TBXAS1: variants seen among roughly 807,000 people sequenced by gnomAD.
TBXAS1 encodes thromboxane-A synthase.
Under a neutral mutation model 60.7 loss-of-function variants are expected in TBXAS1, and 48 were observed. The observed-to-expected ratio is 0.79, with a 90% CI of 0.63 to 1.01. The LOEUF is 1.01. Ranked by LOEUF, TBXAS1 falls within the 50% of genes least tolerant of loss-of-function variation. TBXAS1 has a pLI of 0.00. For synonymous variants in TBXAS1, 287 were observed against 269.7 expected, an observed-to-expected ratio of 1.06 and a Z score of -0.63; for missense variants, 685 against 686.3, an observed-to-expected ratio of 1.00 and a Z score of 0.02.
At chr7:139,952,728 T>A in intron 5 of TBXAS1, 3 of 1,479,662 alleles carry the variant, frequency 2.0e-6, no homozygotes, top group Middle Eastern at 3.5e-4. Flanking sequence ...ATTTTCCTAT[T>A]AAAAAAAAGA....
chr7:139,826,043 G>T (rs903247075), upstream of TBXAS1, among the ~76,000 whole-genome samples: 2 of 152,036 alleles, frequency 1.3e-5, no homozygotes, highest in African/African-American at 4.8e-5. Context: ...TGAGCATCTT[G>T]GTTATACATA....
At chr7:139,921,398 C>T (rs552199539) in intron 4 of TBXAS1, among the ~76,000 whole-genome samples, 1 of 152,290 alleles carries the variant, frequency 6.6e-6, no homozygotes, top group African/African-American at 2.4e-5. Context: ...GTCATCCATA[C>T]CACGTATTTA....
intron 3 of TBXAS1, among the ~76,000 whole-genome samples, chr7:139,881,061 GT>G (rs1176367953): frequency 6.6e-6 from 1 of 152,158 alleles, no homozygotes; most frequent in Non-Finnish European, 1.5e-5. Flanking sequence ...CTTTTCATAT[GT>G]TTAAAATGCA....
intron 2 of TBXAS1, among the ~76,000 whole-genome samples, 188 bp downstream of exon 2, chr7:139,872,516 T>A (rs1483924122): frequency 1.3e-5 from 2 of 152,088 alleles, no homozygotes; most frequent in African/African-American, 4.8e-5. Context: ...TAGCTGGGCA[T>A]GGTGGCTCAT....
chr7:139,819,135 T>C (rs989424566), intron 4 of TBXAS1, among the ~76,000 whole-genome samples: 1 of 152,220 alleles, frequency 6.6e-6, no homozygotes, highest in Admixed American at 6.5e-5. Context: ...TTCCTTTTCC[T>C]CCTGGGCTGG....
chr7:139,950,273 T>C (rs766489440), intron 5 of TBXAS1, among the ~76,000 whole-genome samples: 6 of 151,998 alleles, frequency 3.9e-5, no homozygotes, highest in Admixed American at 2.0e-4. Flanking sequence ...TGACTTCAAG[T>C]GATCCGCCTG....
At chr7:139,937,083 G>A (rs1204490349) in intron 5 of TBXAS1, among the ~76,000 whole-genome samples, 1 of 152,172 alleles carries the variant, frequency 6.6e-6, no homozygotes. Flanking sequence ...GCTGTGTTTT[G>A]TATCTAAGCC....
At chr7:139,831,093 A>G (rs551302288) in intron 1 of TBXAS1, among the ~76,000 whole-genome samples, 97 of 152,104 alleles carry the variant, frequency 6.4e-4, no homozygotes, top group Non-Finnish European at 1.3e-3. Context: ...TGTTATTGCA[A>G]AAATATTTAT....
At position 139,909,628 on chromosome 7, in the gene TBXAS1, A is replaced by G. The variant is rs150769812; in HGVS notation, c.237-1597A>G. On this transcript the variant is annotated intron_variant, in intron 3 of 12. Coordinates refer to ENST00000448866, the MANE Select transcript of TBXAS1 (RefSeq NM_001061.7). The stretch of plus-strand genomic sequence containing the variant: ...CAAGTGCCTAATATGTGCCAGACAA[A>G]TATTTTTATTGTTTTCCATAGTTAA... 1.1e-3 allele frequency among the ~76,000 whole-genome samples: 165 copies of G among 152,338 alleles called. 1 individual carries two copies. The highest frequency in any genetic ancestry group is 3.8e-3 in the African/African-American group (156 of 41,578).
At chr7:139,905,057 T>TTCTTTCTCTCTC (rs1247644902) in intron 3 of TBXAS1, among the ~76,000 whole-genome samples, 1 of 107,494 alleles carries the variant, frequency 9.3e-6, no homozygotes, top group Non-Finnish European at 1.8e-5. Context: ...CTTTCTTTCT[T>TTCTTTCTCTCTC]TCTCTCTCTC....
intron 1 of TBXAS1, among the ~76,000 whole-genome samples, chr7:139,845,561 T>C (rs1009780597): frequency 6.6e-6 from 1 of 152,148 alleles, no homozygotes; most frequent in Non-Finnish European, 1.5e-5. Flanking sequence ...GCAGGATTGG[T>C]CCTTCCTCAT....
At chr7:139,951,915 AAGAG>A (rs1481014648) in intron 5 of TBXAS1, among the ~76,000 whole-genome samples, 10 of 12,326 alleles carry the variant, frequency 8.1e-4, no homozygotes, top group African/African-American at 2.6e-3. Context: ...AAGAGAAAGA[AAGAG>A]AGAAAGAAAG....
upstream of TBXAS1, among the ~76,000 whole-genome samples, chr7:139,827,178 T>C (rs896728414): frequency 7.2e-5 from 11 of 152,210 alleles, no homozygotes; most frequent in African/African-American, 2.7e-4. Flanking sequence ...CTCTCACTCC[T>C]TTCCAGGGAA....
chr7:139,957,480 C>A (rs566481584), intron 7 of TBXAS1, 154 bp from the exon 8 acceptor site: 4 of 911,920 alleles, frequency 4.4e-6, no homozygotes, highest in South Asian at 2.7e-5. Flanking sequence ...TGAGACATCA[C>A]CCCTGCTCTC....
intron 9 of TBXAS1, among the ~76,000 whole-genome samples, chr7:140,005,842 C>T (rs1814036361): frequency 6.6e-6 from 1 of 152,236 alleles, no homozygotes; most frequent in Admixed American, 6.5e-5. Flanking sequence ...TTCAAGACTC[C>T]ATGTGTCCTG....
chr7:139,813,457 C>T (rs957123563), intron 4 of TBXAS1, among the ~76,000 whole-genome samples: 5 of 152,152 alleles, frequency 3.3e-5, no homozygotes, highest in South Asian at 2.1e-4. Flanking sequence ...TGACTGAGGA[C>T]GACTTCCTGA....
chr7:139,821,281 T>C (rs1212505573), intron 4 of TBXAS1, among the ~76,000 whole-genome samples: 1 of 152,184 alleles, frequency 6.6e-6, no homozygotes, highest in African/African-American at 2.4e-5. Flanking sequence ...TTCGAGTCTG[T>C]AGCATCTGTA....
At chr7:139,874,032 T>G (rs576382114) in intron 2 of TBXAS1, among the ~76,000 whole-genome samples, 2 of 152,298 alleles carry the variant, frequency 1.3e-5, no homozygotes, top group Non-Finnish European at 2.9e-5. Context: ...CCTTCTCAAT[T>G]ATTTCTTTTC....
intron 3 of TBXAS1, among the ~76,000 whole-genome samples, chr7:139,899,230 A>T (rs1358110494): frequency 6.6e-6 from 1 of 152,024 alleles, no homozygotes; most frequent in Non-Finnish European, 1.5e-5. Flanking sequence ...AGCTCCCCAT[A>T]CTATTTTACA....
Sources: gnomAD v4.1 joint callset for allele counts (sites outside exome capture counted in the v4.1 genomes callset) on GRCh38, gnomAD v4.1.1 for gene constraint, MANE v1.5 for transcripts, NCBI Gene and HGNC (gene_info 2026-07-23, HGNC 2026-07-21) for gene names.